The following AKAP6 variants were observed in gnomAD, a reference collection of about 807,000 sequenced individuals.
AKAP6 encodes A-kinase anchor protein 6.
In AKAP6, 58 loss-of-function variants were observed where a neutral mutation model predicts 188.5. The ratio of observed to expected loss-of-function variants is 0.31; its 90% CI spans 0.25 to 0.38. The LOEUF (loss-of-function observed/expected upper bound fraction) is 0.38. AKAP6 is among the 10% of genes least tolerant of loss of function. The pLI is 1.00. For synonymous variants in AKAP6, 989 were observed against 998.6 expected, an observed-to-expected ratio of 0.99 and a Z score of 0.18; for missense variants, 2,710 against 2,740.0, an observed-to-expected ratio of 0.99 and a Z score of 0.24.
intron 1 of AKAP6, among the ~76,000 whole-genome samples, chr14:32,336,730 C>T (rs1185610798): frequency 1.3e-5 from 2 of 152,144 alleles, no homozygotes; most frequent in African/African-American, 4.8e-5. Flanking sequence ...TTTGCTGGCC[C>T]ACTCAAAATT....
intron 11 of AKAP6, among the ~76,000 whole-genome samples, chr14:32,771,381 A>G (rs1029216826): frequency 6.6e-6 from 1 of 152,066 alleles, no homozygotes; most frequent in African/African-American, 2.4e-5. Flanking sequence ...AATATCCAAA[A>G]ATCAGATATT....
At chr14:32,800,061 C>CTATATATATA (rs1555363776) in intron 12 of AKAP6, among the ~76,000 whole-genome samples, 7,445 of 136,746 alleles carry the variant, frequency 0.054, 235 homozygotes, top group East Asian at 0.075. Context: ...CTCTCTCTCT[C>CTATATATATA]TATATATATA....
Position 32,394,425 on chromosome 14 carries a change from C to T in AKAP6, c.-34-39035C>T, listed in dbSNP as rs186204754. The stretch of plus-strand genomic sequence containing the variant: ...TGGAGCCATAGGGTGGAGTAGAGTA[C>T]GACCTGTGGTCTTGTACTTCTACAA... On this transcript the variant is annotated intron_variant, in intron 1 of 13. Coordinates refer to ENST00000280979, the MANE Select transcript of AKAP6 (RefSeq NM_004274.5). Among the ~76,000 whole-genome samples the T allele has an allele frequency of 5.9e-5, 9 of 152,208 alleles. No homozygotes were observed. In the East Asian group the frequency reaches 7.7e-4, roughly 13 times the overall value.
At chr14:32,715,543 A>G (rs542861802) in intron 9 of AKAP6, among the ~76,000 whole-genome samples, 102 of 152,168 alleles carry the variant, frequency 6.7e-4, no homozygotes, top group African/African-American at 2.4e-3. Flanking sequence ...GGAATAAATG[A>G]TATTTGAACT....
Position 32,655,154 on chromosome 14 carries a change from T to C in AKAP6, c.2731-23157T>C, listed in dbSNP as rs370101343. On this transcript the variant is annotated intron_variant, in intron 7 of 13. Transcript: ENST00000280979. Reference sequence around the variant, plus strand: ...GAATATGCAGCAGATTAGGAAACAATTGACTGTACCAAAGAATGACTGTAT... The same window carrying C: ...GAATATGCAGCAGATTAGGAAACAACTGACTGTACCAAAGAATGACTGTAT... Among the ~76,000 whole-genome samples the C allele has an allele frequency of 7.9e-4, 121 of 152,270 alleles. 5 individuals are homozygous for C. The South Asian group carries it at 0.025, about 32-fold the overall frequency.
chr14:32,348,311 G>A (rs932103801), intron 1 of AKAP6, among the ~76,000 whole-genome samples: 5 of 152,022 alleles, frequency 3.3e-5, no homozygotes, highest in East Asian at 1.9e-4. Context: ...GATACTGGGC[G>A]TAAAAAGCAG....
At chr14:32,598,125 C>T (rs1322890360) in intron 5 of AKAP6, among the ~76,000 whole-genome samples, 1 of 152,174 alleles carries the variant, frequency 6.6e-6, no homozygotes, top group African/African-American at 2.4e-5. Context: ...CATGATTTCA[C>T]AATTTATGAT....
intron 4 of AKAP6, among the ~76,000 whole-genome samples, chr14:32,567,624 C>A (rs1402592278): frequency 6.6e-6 from 1 of 152,062 alleles, no homozygotes; most frequent in Admixed American, 6.6e-5. Context: ...AGATAAACAA[C>A]AACTCAACAA....
At chr14:32,537,326 G>A (rs78648582) in intron 3 of AKAP6, among the ~76,000 whole-genome samples, 2,278 of 152,254 alleles carry the variant, frequency 0.015, 63 homozygotes, top group African/African-American at 0.052. Flanking sequence ...TGTGAGTTGC[G>A]TGTTAGTTCC....
intron 12 of AKAP6, among the ~76,000 whole-genome samples, chr14:32,788,111 G>T (rs190175967): frequency 6.6e-6 from 1 of 151,660 alleles, no homozygotes; most frequent in East Asian, 1.9e-4. Context: ...GAAGGGCTTG[G>T]TATTAAATAT....
chr14:32,560,437 A>G (rs1883905876), intron 4 of AKAP6, among the ~76,000 whole-genome samples: 1 of 152,144 alleles, frequency 6.6e-6, no homozygotes, highest in Non-Finnish European at 1.5e-5. Flanking sequence ...TTGAGTTGTT[A>G]TCAGTGATGA....
intron 7 of AKAP6, among the ~76,000 whole-genome samples, chr14:32,606,298 A>G (rs1886123987): frequency 6.6e-6 from 1 of 152,182 alleles, no homozygotes; most frequent in South Asian, 2.1e-4. Context: ...TTCAAAACAT[A>G]GTGAACAACA....
intron 1 of AKAP6, among the ~76,000 whole-genome samples, chr14:32,399,419 C>T (rs963854873): frequency 6.6e-6 from 1 of 152,176 alleles, no homozygotes; most frequent in African/African-American, 2.4e-5. Flanking sequence ...ATGCTCTCCC[C>T]ATACTCTCAA....
intron 7 of AKAP6, among the ~76,000 whole-genome samples, chr14:32,635,874 A>G (rs1239162650): frequency 6.6e-6 from 1 of 152,106 alleles, no homozygotes; most frequent in Non-Finnish European, 1.5e-5. Flanking sequence ...AAAGAATAGG[A>G]TATTATAAAG....
chr14:32,404,950 AAG>A (rs376899531), intron 1 of AKAP6, among the ~76,000 whole-genome samples: 3 of 150,506 alleles, frequency 2.0e-5, no homozygotes, highest in East Asian at 3.9e-4. Context: ...TGGAAGAGAG[AAG>A]AGAGAGAGAG....
intron 12 of AKAP6, among the ~76,000 whole-genome samples, chr14:32,800,059 C>CTATATATATATATA (rs1305584690): frequency 3.6e-5 from 4 of 111,374 alleles, no homozygotes; most frequent in East Asian, 2.5e-4. Flanking sequence ...CTCTCTCTCT[C>CTATATATATATATA]TCTATATATA....
chr14:32,796,981 A>C (rs2033787711), intron 12 of AKAP6, among the ~76,000 whole-genome samples: 1 of 152,170 alleles, frequency 6.6e-6, no homozygotes, highest in Non-Finnish European at 1.5e-5. Flanking sequence ...AAAGTGAGCA[A>C]AGGACTCTTC....
At chr14:32,693,590 C>T (rs1890271086) in intron 8 of AKAP6, 1 of 152,214 alleles carries the variant, frequency 6.6e-6, no homozygotes. Context: ...ATGCTTTGGG[C>T]TTTTTTCTCA....
rs146553804 is a variant in AKAP6 at position 32,523,015 on chromosome 14, T to C, written c.325-12539T>C. ...GCAGCCACAAAAAAGGATGAGTTCA[T>C]GTCCTTTGTAGGGACATGGATGAAG... On this transcript the variant is annotated intron_variant, in intron 2 of 13. Transcript: ENST00000280979. Among the ~76,000 whole-genome samples the C allele has an allele frequency of 1.7e-3, 265 of 152,338 alleles. 1 individual carries two copies. Among genetic ancestry groups the C allele is most frequent in the Middle Eastern group, 6.8e-3 (2 of 294 alleles).
Sources: allele counts gnomAD v4.1 joint callset (sites outside exome capture counted in the v4.1 genomes callset), GRCh38; gene constraint gnomAD v4.1.1; transcripts MANE v1.5; gene names NCBI Gene and HGNC (gene_info 2026-07-23, HGNC 2026-07-21).